LPP: variants seen among roughly 807,000 people sequenced by gnomAD.
The protein encoded by LPP is LIM domain containing preferred translocation partner in lipoma, also known as lipoma-preferred partner.
Under a neutral mutation model 60.4 loss-of-function variants are expected in LPP, and 38 were observed. That is an observed-to-expected ratio of 0.63 (90% CI 0.49 to 0.83). The LOEUF is 0.83. Among genes scored for constraint, LPP ranks in the 40% least tolerant of loss-of-function variants. The pLI is 0.00. For missense variants in LPP, 902 were observed against 783.6 expected, an observed-to-expected ratio of 1.15 and a Z score of -1.80; for synonymous variants, 328 against 290.8, an observed-to-expected ratio of 1.13 and a Z score of -1.30.
chr3:188,866,250 T>C lies in LPP; in HGVS notation c.1461T>C (p.Ile487=). The stretch of plus-strand genomic sequence containing the variant: ...GTTCCAAGCCCATCATGGAGCGGAT[T>C]CTCCGAGCCACCGGGAAGGCCTATC... ...NVCSKPIMER[I]LRATGKAYHP... Residue 487 remains isoleucine, a synonymous_variant, in exon 10 of 12, where the codon ATT becomes ATC. Transcript: ENST00000617246. The C allele has an allele frequency of 6.3e-7, 1 of 1,582,450 alleles. No homozygotes were observed.
At chr3:188,190,489 C>T (rs552942564) in intron 1 of LPP, among the ~76,000 whole-genome samples, 95 of 152,306 alleles carry the variant, frequency 6.2e-4, no homozygotes, top group Middle Eastern at 3.4e-3. Flanking sequence ...CTTCCTTTCA[C>T]GCTCTAACTG....
At chr3:188,827,009 A>T (rs1274735822) in intron 9 of LPP, among the ~76,000 whole-genome samples, 1 of 152,124 alleles carries the variant, frequency 6.6e-6, no homozygotes, top group Non-Finnish European at 1.5e-5. Flanking sequence ...AATGGCAGAA[A>T]CCTTATGTGG....
At chr3:188,250,812 T>TTCTTTC (rs1729148674) in intron 2 of LPP, among the ~76,000 whole-genome samples, 1 of 126,020 alleles carries the variant, frequency 7.9e-6, no homozygotes, top group Non-Finnish European at 1.8e-5. Flanking sequence ...TTCTTTCTCT[T>TTCTTTC]TCTTTCTTTC....
chr3:188,273,462 T>C (rs983154281), intron 2 of LPP, among the ~76,000 whole-genome samples: 2 of 152,168 alleles, frequency 1.3e-5, no homozygotes, highest in East Asian at 1.9e-4. Flanking sequence ...CCAAGGGCTA[T>C]AAAATACTTT....
intron 4 of LPP, among the ~76,000 whole-genome samples, chr3:188,453,826 A>G (rs1335717766): frequency 6.6e-6 from 1 of 152,098 alleles, no homozygotes; most frequent in African/African-American, 2.4e-5. Context: ...CATTCTACAG[A>G]TAAGGAGATG....
chr3:188,881,499 T>C lies in LPP; in HGVS notation c.*7020T>C, dbSNP rs753521449. 7 of 212,320 alleles carry C rather than the reference T, an allele frequency of 3.3e-5. No individual in the cohort carries two copies. Among genetic ancestry groups the C allele is most frequent in the Non-Finnish European group, 5.7e-5 (6 of 104,666 alleles). The allele number at this position is 212,320 out of a possible 1,614,324, so 13.2% of individuals were successfully genotyped here. ...TCAGGCTAGGTTGAAAGGCTTTCTT[T>C]AGGGTTGAAAGTAAACGAAATTGGA... is the stretch of plus-strand genomic sequence containing the variant. On this transcript the variant is annotated 3_prime_UTR_variant, in exon 12 of 12. Coordinates refer to ENST00000617246, the MANE Select transcript of LPP (RefSeq NM_001375462.1).
chr3:188,421,056 G>C lies in LPP; in HGVS notation c.193+14743G>C, dbSNP rs116230107. ...CCATTTTACTGTTGAAGAGAGGGAA[G>C]CTTGGTGGTGAGGTGGCTTGCCCCA... On this transcript the variant is annotated intron_variant, in intron 4 of 11. Transcript: ENST00000617246. Among the ~76,000 whole-genome samples the C allele has an allele frequency of 8.1e-3, 1,236 of 152,260 alleles. 24 individuals are homozygous for C. Among genetic ancestry groups the C allele is most frequent in the African/African-American group, 0.028 (1,161 of 41,550 alleles).
At chr3:188,346,952 T>C (rs560673326) in intron 3 of LPP, among the ~76,000 whole-genome samples, 150 of 152,342 alleles carry the variant, frequency 9.8e-4, no homozygotes, top group African/African-American at 3.3e-3. Flanking sequence ...ATATTGAAAC[T>C]CTTATTCTAC....
intron 9 of LPP, among the ~76,000 whole-genome samples, chr3:188,781,847 A>C (rs1355034224): frequency 2.7e-5 from 4 of 150,130 alleles, no homozygotes; most frequent in African/African-American, 4.9e-5. Context: ...AGCTGAGATC[A>C]TGCCACTGCA....
chr3:188,752,152 T>C (rs1384406138), intron 8 of LPP, among the ~76,000 whole-genome samples: 1 of 152,206 alleles, frequency 6.6e-6, no homozygotes, highest in Admixed American at 6.5e-5. Context: ...CTCCTCCGAA[T>C]TTCATAGCCA....
At chr3:188,738,430 G>A (rs1723266666) in intron 8 of LPP, among the ~76,000 whole-genome samples, 1 of 152,128 alleles carries the variant, frequency 6.6e-6, no homozygotes, top group African/African-American at 2.4e-5. Flanking sequence ...AAGTAACAGA[G>A]CCAAATTTTA....
chr3:188,641,328 G>A (rs1319987720), intron 7 of LPP, among the ~76,000 whole-genome samples: 2 of 152,136 alleles, frequency 1.3e-5, no homozygotes, highest in Non-Finnish European at 2.9e-5. Context: ...TTAGAGAAGA[G>A]GACACATGCA....
intron 9 of LPP, among the ~76,000 whole-genome samples, chr3:188,765,763 A>G (rs1226895561): frequency 6.6e-6 from 1 of 151,664 alleles, no homozygotes; most frequent in African/African-American, 2.4e-5. Flanking sequence ...GCTGAACTCA[A>G]ACTCCTGGGA....
At chr3:188,263,491 A>G (rs1229578050) in intron 2 of LPP, among the ~76,000 whole-genome samples, 1 of 152,182 alleles carries the variant, frequency 6.6e-6, no homozygotes, top group Non-Finnish European at 1.5e-5. Flanking sequence ...CCTCCCAGAC[A>G]TTGATAGGCT....
chr3:188,318,591 T>C (rs546406465), intron 2 of LPP, among the ~76,000 whole-genome samples: 112 of 152,112 alleles, frequency 7.4e-4, no homozygotes, highest in South Asian at 1.4e-3. Flanking sequence ...TCCTTCCATC[T>C]ACCTACCTAC....
intron 7 of LPP, among the ~76,000 whole-genome samples, chr3:188,686,755 G>T (rs1298990795): frequency 2.0e-5 from 3 of 152,166 alleles, no homozygotes; most frequent in Non-Finnish European, 2.9e-5. Flanking sequence ...AAGCTCTGAT[G>T]GTGAGTATGG....
intron 5 of LPP, among the ~76,000 whole-genome samples, chr3:188,501,680 C>T (rs547813713): frequency 3.3e-4 from 50 of 151,472 alleles, no homozygotes; most frequent in African/African-American, 1.2e-3. Flanking sequence ...ACCCTGGAGG[C>T]GGAGGTTGCA....
At chr3:188,727,295 G>A (rs1037164811) in intron 8 of LPP, among the ~76,000 whole-genome samples, 2 of 152,118 alleles carry the variant, frequency 1.3e-5, no homozygotes, top group African/African-American at 4.8e-5. Flanking sequence ...GATGTGGGCT[G>A]ACACACAGTT....
intron 3 of LPP, among the ~76,000 whole-genome samples, chr3:188,381,806 A>G (rs1278658406): frequency 6.6e-6 from 1 of 152,198 alleles, no homozygotes; most frequent in Non-Finnish European, 1.5e-5. Flanking sequence ...TTTAATTGAC[A>G]ATTAACTGTT....
Sources: gnomAD v4.1 joint callset for allele counts (sites outside exome capture counted in the v4.1 genomes callset) on GRCh38, gnomAD v4.1.1 for gene constraint, MANE v1.5 for transcripts, NCBI Gene and HGNC (gene_info 2026-07-23, HGNC 2026-07-21) for gene names.